The following KCNAB1 variants were observed in gnomAD, a reference collection of about 807,000 sequenced individuals.
KCNAB1 encodes potassium voltage-gated channel subfamily A regulatory beta subunit 1.
Under a neutral mutation model 64.6 loss-of-function variants are expected in KCNAB1, and 35 were observed. That is an observed-to-expected ratio of 0.54 (90% CI 0.41 to 0.72). KCNAB1 has a LOEUF of 0.72. Among genes scored for constraint, KCNAB1 ranks in the 30% least tolerant of loss-of-function variants. The probability of loss-of-function intolerance (pLI) is 0.00; values close to 1 mark genes in which losing one functional copy is unlikely to be tolerated. For missense variants in KCNAB1, 401 were observed against 512.9 expected (o/e 0.78, Z 2.11); for synonymous variants, 177 against 183.8 (o/e 0.96, Z 0.30).
chr3:156,415,712 G>A (rs1715011179), intron 1 of KCNAB1, among the ~76,000 whole-genome samples: 1 of 152,116 alleles, frequency 6.6e-6, no homozygotes, highest in South Asian at 2.1e-4. Context: ...CTTTGCCGAT[G>A]CAGCTTCCTC....
At chr3:156,410,200 T>C (rs1714548955) in intron 1 of KCNAB1, among the ~76,000 whole-genome samples, 1 of 152,260 alleles carries the variant, frequency 6.6e-6, no homozygotes, top group Non-Finnish European at 1.5e-5. Context: ...GCTTCCTTAC[T>C]GCATTTTTTA....
rs185893159 is a variant in KCNAB1 at position 156,182,435 on chromosome 3, C to T, written c.275+61549C>T. ...TATGTGCAAATAACCTAACATTGAC[C>T]TAGGGACATCCTTCTTAAAGAGTCC... On this transcript the variant is annotated intron_variant, in intron 1 of 13. Transcript: ENST00000490337. Among the ~76,000 whole-genome samples, 305 of 152,254 alleles carry T rather than the reference C, an allele frequency of 2.0e-3. 1 individual carries two copies. Among genetic ancestry groups the T allele is most frequent in the African/African-American group, 6.9e-3 (288 of 41,550 alleles).
intron 2 of KCNAB1, among the ~76,000 whole-genome samples, chr3:156,430,155 A>C (rs1470823952): frequency 6.6e-6 from 1 of 152,250 alleles, no homozygotes; most frequent in Non-Finnish European, 1.5e-5. Context: ...TGCTGGCCAC[A>C]TGGCTTTGCC....
At chr3:156,366,895 C>T (rs917968638) in intron 1 of KCNAB1, among the ~76,000 whole-genome samples, 8 of 152,262 alleles carry the variant, frequency 5.3e-5, no homozygotes, top group East Asian at 1.9e-4. Context: ...ATTTAAACCA[C>T]GTAGCTCCCA....
At chr3:156,407,334 A>C (rs920097118) in intron 1 of KCNAB1, among the ~76,000 whole-genome samples, 2 of 152,146 alleles carry the variant, frequency 1.3e-5, no homozygotes, top group Non-Finnish European at 2.9e-5. Flanking sequence ...GCTCAAATGC[A>C]TCTCCTCTGT....
At chr3:156,206,783 G>A (rs1576605348) in intron 1 of KCNAB1, among the ~76,000 whole-genome samples, 2 of 152,240 alleles carry the variant, frequency 1.3e-5, no homozygotes, top group Admixed American at 1.3e-4. Context: ...TTTCTGCTTG[G>A]CTATGTAAGT....
intron 1 of KCNAB1, among the ~76,000 whole-genome samples, chr3:156,179,100 A>G (rs1410719032): frequency 2.0e-5 from 3 of 152,008 alleles, no homozygotes; most frequent in African/African-American, 7.2e-5. Flanking sequence ...GAGAATCACC[A>G]ATATAATATT....
chr3:156,412,539 G>A (rs139895573), intron 1 of KCNAB1, among the ~76,000 whole-genome samples: 336 of 152,286 alleles, frequency 2.2e-3, no homozygotes, highest in South Asian at 0.011. Context: ...GTATTGAGTC[G>A]CACTTCCATG....
intron 1 of KCNAB1, among the ~76,000 whole-genome samples, chr3:156,130,587 C>G (rs1003932942): frequency 1.3e-5 from 2 of 152,212 alleles, no homozygotes; most frequent in Non-Finnish European, 2.9e-5. Flanking sequence ...TGTGATAAAG[C>G]CAGTACTTGA....
intron 1 of KCNAB1, among the ~76,000 whole-genome samples, chr3:156,140,543 A>G (rs1414329623): frequency 2.0e-5 from 3 of 152,164 alleles, no homozygotes; most frequent in Non-Finnish European, 4.4e-5. Context: ...GGGCTCCAAG[A>G]TCACAACTCG....
intron 12 of KCNAB1, among the ~76,000 whole-genome samples, chr3:156,529,541 T>C (rs1010598947): frequency 4.0e-5 from 6 of 151,104 alleles, no homozygotes; most frequent in Non-Finnish European, 5.9e-5. Flanking sequence ...GCATAAGCAT[T>C]ACCTAGGAGT....
At chr3:156,264,664 T>C (rs1213430782) in intron 1 of KCNAB1, among the ~76,000 whole-genome samples, 1 of 152,116 alleles carries the variant, frequency 6.6e-6, no homozygotes, top group Non-Finnish European at 1.5e-5. Flanking sequence ...ATTCATTCCT[T>C]ATCCTTTGTA....
chr3:156,193,206 G>C (rs114071531), intron 1 of KCNAB1, among the ~76,000 whole-genome samples: 2,082 of 151,906 alleles, frequency 0.014, 44 homozygotes, highest in African/African-American at 0.048. Context: ...TTAATATATA[G>C]ATGGTTCTTA....
At chr3:156,159,272 G>T (rs1715933934) in intron 1 of KCNAB1, among the ~76,000 whole-genome samples, 1 of 152,098 alleles carries the variant, frequency 6.6e-6, no homozygotes, top group South Asian at 2.1e-4. Context: ...CTAAAACTCT[G>T]ACTTCTTAGG....
intron 6 of KCNAB1, among the ~76,000 whole-genome samples, chr3:156,465,184 T>C (rs1003276415): frequency 1.1e-4 from 17 of 152,320 alleles, no homozygotes; most frequent in African/African-American, 3.6e-4. Flanking sequence ...TTTAATTTAG[T>C]TTTAAAATTT....
intron 1 of KCNAB1, among the ~76,000 whole-genome samples, chr3:156,252,044 T>G (rs1173104301): frequency 6.6e-6 from 1 of 152,178 alleles, no homozygotes; most frequent in African/African-American, 2.4e-5. Flanking sequence ...TGCTGATGAG[T>G]TGGGCCTTTT....
intron 1 of KCNAB1, among the ~76,000 whole-genome samples, chr3:156,396,454 C>T (rs1411910062): frequency 6.6e-6 from 1 of 152,196 alleles, no homozygotes; most frequent in Non-Finnish European, 1.5e-5. Flanking sequence ...TCATTTCTTA[C>T]CAAGTTCTGC....
chr3:156,424,974 C>G (rs749438517), intron 2 of KCNAB1, among the ~76,000 whole-genome samples: 4 of 152,192 alleles, frequency 2.6e-5, no homozygotes, highest in Non-Finnish European at 4.4e-5. Context: ...CTAAGCTTGA[C>G]AACTTGAATA....
intron 11 of KCNAB1, among the ~76,000 whole-genome samples, chr3:156,523,402 A>C (rs1237822265): frequency 6.6e-6 from 1 of 152,236 alleles, no homozygotes; most frequent in Non-Finnish European, 1.5e-5. Flanking sequence ...TTCTTTGAGC[A>C]GAAAGCTTGG....
Sources: gnomAD v4.1 joint callset for allele counts (sites outside exome capture counted in the v4.1 genomes callset) on GRCh38, gnomAD v4.1.1 for gene constraint, MANE v1.5 for transcripts, NCBI Gene and HGNC (gene_info 2026-07-23, HGNC 2026-07-21) for gene names.